GPC5: variants seen among roughly 807,000 people sequenced by gnomAD.
GPC5 encodes glypican-5.
A neutral mutation model predicts 53.9 loss-of-function variants in GPC5; 47 were observed. That is an observed-to-expected ratio of 0.87 (90% CI 0.69 to 1.11). GPC5 has a LOEUF of 1.11. Ranked by LOEUF, GPC5 falls within the 50% of genes most tolerant of loss-of-function variation. GPC5 has a pLI of 0.00. For synonymous variants in GPC5, 286 were observed against 263.3 expected, an observed-to-expected ratio of 1.09 and a Z score of -0.84; for missense variants, 748 against 713.1, an observed-to-expected ratio of 1.05 and a Z score of -0.56.
chr13:91,442,124 C>T (rs1210549557), intron 1 of GPC5, among the ~76,000 whole-genome samples: 2 of 152,136 alleles, frequency 1.3e-5, no homozygotes, highest in African/African-American at 4.8e-5. Context: ...CAGGAAGCCA[C>T]ACAAATGTAT....
intron 4 of GPC5, among the ~76,000 whole-genome samples, chr13:91,750,506 C>A (rs917502672): frequency 1.3e-5 from 2 of 152,090 alleles, no homozygotes; most frequent in African/African-American, 4.8e-5. Flanking sequence ...ACTCTCCCAG[C>A]AACTTAAATT....
At chr13:91,568,232 C>T (rs1226392363) in intron 2 of GPC5, among the ~76,000 whole-genome samples, 2 of 152,156 alleles carry the variant, frequency 1.3e-5, no homozygotes, top group Non-Finnish European at 2.9e-5. Context: ...TGCCTTGCTT[C>T]TCAAAGTGTG....
At chr13:92,414,539 G>A (rs1876195064) in intron 7 of GPC5, among the ~76,000 whole-genome samples, 2 of 151,838 alleles carry the variant, frequency 1.3e-5, no homozygotes, top group African/African-American at 4.8e-5. Flanking sequence ...TTTTATGAAG[G>A]GGAAGTACAG....
intron 6 of GPC5, among the ~76,000 whole-genome samples, chr13:91,988,370 C>T (rs1043871350): frequency 7.2e-5 from 11 of 152,132 alleles, no homozygotes; most frequent in Non-Finnish European, 1.6e-4. Flanking sequence ...CTCTAAAGAT[C>T]CCTGCATATG....
chr13:92,841,392 T>C (rs1878425230), intron 7 of GPC5, among the ~76,000 whole-genome samples: 1 of 152,138 alleles, frequency 6.6e-6, no homozygotes, highest in African/African-American at 2.4e-5. Context: ...AAATATCAAA[T>C]ATATAAAATG....
chr13:92,838,144 A>T (rs1428839762), intron 7 of GPC5, among the ~76,000 whole-genome samples: 5 of 151,704 alleles, frequency 3.3e-5, no homozygotes, highest in Admixed American at 6.6e-5. Flanking sequence ...TTCATGCATG[A>T]TTGCTTTAAG....
chr13:91,504,368 A>G (rs1406103652), intron 2 of GPC5, among the ~76,000 whole-genome samples: 1 of 152,136 alleles, frequency 6.6e-6, no homozygotes, highest in Non-Finnish European at 1.5e-5. Context: ...CATAATTGTT[A>G]TTCATTAATA....
intron 5 of GPC5, among the ~76,000 whole-genome samples, chr13:91,852,093 T>C (rs935517218): frequency 1.3e-5 from 2 of 151,990 alleles, no homozygotes; most frequent in African/African-American, 2.4e-5. Flanking sequence ...TCCACAATGG[T>C]TGAACTAGTT....
chr13:92,201,921 G>T (rs1345813261), intron 7 of GPC5, among the ~76,000 whole-genome samples: 1 of 152,100 alleles, frequency 6.6e-6, no homozygotes, highest in East Asian at 1.9e-4. Context: ...AGTTACTTTG[G>T]CAACATTGTG....
chr13:92,642,951 A>G (rs1487127369), intron 7 of GPC5, among the ~76,000 whole-genome samples: 1 of 152,330 alleles, frequency 6.6e-6, no homozygotes, highest in South Asian at 2.1e-4. Context: ...ACGGTCAGTT[A>G]TATACATGTT....
At chr13:91,527,314 A>G (rs1321923506) in intron 2 of GPC5, among the ~76,000 whole-genome samples, 2 of 152,232 alleles carry the variant, frequency 1.3e-5, no homozygotes, top group African/African-American at 4.8e-5. Context: ...TGGCCAAAGC[A>G]AAGTGGCCAT....
chr13:92,148,918 T>C (rs539593665), intron 7 of GPC5, among the ~76,000 whole-genome samples: 6 of 152,224 alleles, frequency 3.9e-5, no homozygotes, highest in African/African-American at 1.4e-4. Flanking sequence ...AGCAAAATTA[T>C]TCTACATATA....
At chr13:91,973,720 G>T (rs1476250590) in intron 6 of GPC5, among the ~76,000 whole-genome samples, 1 of 152,150 alleles carries the variant, frequency 6.6e-6, no homozygotes, top group Non-Finnish European at 1.5e-5. Flanking sequence ...GTTGGAGTTT[G>T]CTAGAGGTCC....
chr13:91,950,057 G>A (rs779175425), intron 6 of GPC5, among the ~76,000 whole-genome samples: 7 of 152,024 alleles, frequency 4.6e-5, no homozygotes, highest in African/African-American at 7.2e-5. Context: ...AGCTTTGGAG[G>A]GAACAGCCTA....
intron 2 of GPC5, among the ~76,000 whole-genome samples, chr13:91,482,687 T>C (rs1336740114): frequency 6.6e-6 from 1 of 152,188 alleles, no homozygotes; most frequent in Non-Finnish European, 1.5e-5. Flanking sequence ...AGGCTTCTTG[T>C]TTCCCAGGGA....
chr13:91,478,881 T>TATATATATATATATATATACAC (rs1555312577), intron 2 of GPC5, among the ~76,000 whole-genome samples: 2 of 67,500 alleles, frequency 3.0e-5, no homozygotes, highest in African/African-American at 1.3e-4. Flanking sequence ...TATATACACA[T>TATATATATATATATATATACAC]TATATATATA....
intron 7 of GPC5, among the ~76,000 whole-genome samples, chr13:92,551,053 A>G (rs1187155421): frequency 6.6e-6 from 1 of 151,894 alleles, no homozygotes; most frequent in African/African-American, 2.4e-5. Flanking sequence ...CAATGCTGAC[A>G]ATGCTGTTGA....
At chr13:91,566,261 A>G (rs935634944) in intron 2 of GPC5, among the ~76,000 whole-genome samples, 1 of 152,016 alleles carries the variant, frequency 6.6e-6, no homozygotes, top group Non-Finnish European at 1.5e-5. Context: ...GAGTTGAATC[A>G]TTTATCAAAA....
chr13:92,759,927 A>T (rs1875090975), intron 7 of GPC5, among the ~76,000 whole-genome samples: 1 of 152,072 alleles, frequency 6.6e-6, no homozygotes, highest in Non-Finnish European at 1.5e-5. Flanking sequence ...TCAAGAAAGG[A>T]TGTCAAACTT....
Sources: allele counts gnomAD v4.1 joint callset (sites outside exome capture counted in the v4.1 genomes callset), GRCh38; gene constraint gnomAD v4.1.1; transcripts MANE v1.5; gene names NCBI Gene and HGNC (gene_info 2026-07-23, HGNC 2026-07-21).